FRMD5: variants seen among roughly 807,000 people sequenced by gnomAD.
The protein encoded by FRMD5 is FERM domain containing 5.
In FRMD5, 20 loss-of-function variants were observed where a neutral mutation model predicts 69.0. That is an observed-to-expected ratio of 0.29 (90% CI 0.20 to 0.42). The LOEUF is 0.42. Among genes scored for constraint, FRMD5 ranks in the 10% least tolerant of loss-of-function variants. The pLI is 1.00. For missense variants in FRMD5, 595 were observed against 708.6 expected (o/e 0.84, Z 1.82); for synonymous variants, 271 against 260.1 (o/e 1.04, Z -0.40).
At chr15:44,053,256 A>T (rs1175343711) in intron 1 of FRMD5, among the ~76,000 whole-genome samples, 1 of 152,196 alleles carries the variant, frequency 6.6e-6, no homozygotes, top group Non-Finnish European at 1.5e-5. Flanking sequence ...CATGGAAGGA[A>T]AGCAACCACA....
chr15:43,951,980 TTGTGTGTGTGTGTG>T (rs1174993374), intron 1 of FRMD5, among the ~76,000 whole-genome samples: 2 of 107,710 alleles, frequency 1.9e-5, no homozygotes, highest in Non-Finnish European at 3.3e-5. Context: ...TGTGTGTGTG[TTGTGTGTGTGTGTG>T]TGTGTCTGTG....
At chr15:43,918,984 C>A in intron 4 of FRMD5, 1 of 266,914 alleles carries the variant, frequency 3.7e-6, no homozygotes, top group South Asian at 3.8e-5. Context: ...GAACCTGATC[C>A]AACAGCACCA....
intron 1 of FRMD5, among the ~76,000 whole-genome samples, chr15:44,171,670 C>G (rs769112898): frequency 6.6e-6 from 1 of 152,166 alleles, no homozygotes; most frequent in Non-Finnish European, 1.5e-5. Context: ...TTCACCTACC[C>G]CATTCCAGCC....
intron 1 of FRMD5, among the ~76,000 whole-genome samples, chr15:44,093,616 A>G (rs1391583369): frequency 6.7e-6 from 1 of 148,230 alleles, no homozygotes; most frequent in East Asian, 2.0e-4. Flanking sequence ...TCTGTCGCCC[A>G]GGCTGGAGTG....
intron 1 of FRMD5, among the ~76,000 whole-genome samples, chr15:43,990,749 G>C (rs1489863225): frequency 6.6e-6 from 1 of 152,050 alleles, no homozygotes; most frequent in African/African-American, 2.4e-5. Flanking sequence ...AATAATAACA[G>C]GTAAGAGACT....
intron 1 of FRMD5, among the ~76,000 whole-genome samples, chr15:44,058,341 G>A (rs576060260): frequency 3.3e-5 from 5 of 152,252 alleles, no homozygotes; most frequent in African/African-American, 9.6e-5. Context: ...GCCTCAGACC[G>A]GAAGCTGGGG....
At chr15:44,158,298 A>G (rs2733209) in intron 1 of FRMD5, among the ~76,000 whole-genome samples, 133,061 of 152,050 alleles carry the variant, frequency 0.88, 59,116 homozygotes, top group East Asian at 1. Flanking sequence ...TAAAGAAAGG[A>G]GAAAAAATAG....
At chr15:43,915,328 AC>A (rs2089366707) in intron 4 of FRMD5, among the ~76,000 whole-genome samples, 1 of 152,202 alleles carries the variant, frequency 6.6e-6, no homozygotes, top group African/African-American at 2.4e-5. Context: ...AAAAATACTT[AC>A]TATTTGGCCC....
At chr15:44,189,603 C>T (rs1005952436) in intron 1 of FRMD5, among the ~76,000 whole-genome samples, 18 of 151,958 alleles carry the variant, frequency 1.2e-4, no homozygotes, top group Non-Finnish European at 2.4e-4. Flanking sequence ...ATTCTCCTGC[C>T]TCAGCCTCCC....
At chr15:44,147,862 T>G (rs2077380244) in intron 1 of FRMD5, among the ~76,000 whole-genome samples, 1 of 152,198 alleles carries the variant, frequency 6.6e-6, no homozygotes, top group African/African-American at 2.4e-5. Context: ...GGCAGACAGC[T>G]GTGCACCTAC....
chr15:43,937,138 C>T lies in FRMD5; in HGVS notation c.103-12829G>A, dbSNP rs1332343141. Among the ~76,000 whole-genome samples, 5 of 152,238 alleles carry T rather than the reference C, an allele frequency of 3.3e-5. No individual in the cohort carries two copies. The South Asian group carries it at 6.2e-4, about 19-fold the overall frequency. On this transcript the variant is annotated intron_variant, in intron 1 of 13. Transcript: ENST00000417257. ...CTTTCTATAGGAAAGTGTTACATTT[C>T]TAAGATTTTTCTCTTTACAGTTTTT...
intron 1 of FRMD5, among the ~76,000 whole-genome samples, chr15:44,000,054 C>A (rs1460845954): frequency 7.5e-6 from 1 of 134,024 alleles, no homozygotes; most frequent in Non-Finnish European, 1.6e-5. Context: ...GCCACCCTGG[C>A]TGGAGTGCTC....
At chr15:43,893,972 T>C (rs959694743) in intron 7 of FRMD5, among the ~76,000 whole-genome samples, 3 of 152,242 alleles carry the variant, frequency 2.0e-5, no homozygotes, top group Admixed American at 2.0e-4. Context: ...ATTGTTGTTA[T>C]TATCCTTTCC....
rs186072340 is a variant in FRMD5 at position 43,918,436 on chromosome 15, G to T, written c.329+1023C>A. ...CGAAACTCTGTCTCAAAAAAGAAAA[G>T]AATTCCATATTCTTTCCTCCTTCTT... On this transcript the variant is annotated intron_variant, in intron 4 of 13. Transcript: ENST00000417257. Among the ~76,000 whole-genome samples the T allele has an allele frequency of 1.5e-3, 223 of 152,214 alleles. 2 individuals carry two copies. Among genetic ancestry groups the T allele is most frequent in the African/African-American group, 5.1e-3 (213 of 41,554 alleles).
At chr15:43,891,946 T>C (rs953947158) in intron 8 of FRMD5, 35 bp downstream of exon 8, 1 of 1,569,354 alleles carries the variant, frequency 6.4e-7, no homozygotes, top group African/African-American at 1.4e-5. Flanking sequence ...GTTGGTGAGA[T>C]ATAAAGAGCC....
chr15:44,100,818 T>C (rs1046751802), intron 1 of FRMD5, among the ~76,000 whole-genome samples: 2 of 152,152 alleles, frequency 1.3e-5, no homozygotes, highest in South Asian at 2.1e-4. Flanking sequence ...TTAGACTAAA[T>C]GGCCTAAACA....
At chr15:43,906,923 T>G (rs2089190499) in intron 5 of FRMD5, among the ~76,000 whole-genome samples, 1 of 152,112 alleles carries the variant, frequency 6.6e-6, no homozygotes, top group Admixed American at 6.5e-5. Context: ...GTTCTAAGGC[T>G]CATTTCTCAA....
At chr15:44,120,117 T>C (rs926107878) in intron 1 of FRMD5, among the ~76,000 whole-genome samples, 4 of 152,160 alleles carry the variant, frequency 2.6e-5, no homozygotes, top group Admixed American at 1.3e-4. Context: ...AGAAAGTTCA[T>C]AGGGGGACCT....
chr15:43,875,850 T>G (rs2088338499), intron 13 of FRMD5: 5 of 626,496 alleles, frequency 8.0e-6, no homozygotes, highest in Non-Finnish European at 1.4e-5. Context: ...CATATGATTT[T>G]ATTTTCTTCC....
Sources: allele counts gnomAD v4.1 joint callset (sites outside exome capture counted in the v4.1 genomes callset), GRCh38; gene constraint gnomAD v4.1.1; transcripts MANE v1.5; gene names NCBI Gene and HGNC (gene_info 2026-07-23, HGNC 2026-07-21).